The following ZZEF1 variants were observed in gnomAD, a reference collection of about 807,000 sequenced individuals.
ZZEF1 encodes zinc finger ZZ-type and EF-hand domain-containing protein 1.
ZZEF1 carries 157 observed loss-of-function variants against 342.8 expected under a neutral mutation model. That is an observed-to-expected ratio of 0.46 (90% CI 0.40 to 0.52). The LOEUF (loss-of-function observed/expected upper bound fraction) is 0.52, where lower values mean the gene tolerates loss of function less well. ZZEF1 is among the 20% of genes least tolerant of loss of function. The pLI is 0.00. For synonymous variants in ZZEF1, 1,505 were observed against 1,429.1 expected (o/e 1.05, Z -1.20); for missense variants, 3,480 against 3,725.6 (o/e 0.93, Z 1.72).
chr17:4,110,621 A>C (rs2058280414), intron 5 of ZZEF1, among the ~76,000 whole-genome samples: 1 of 152,256 alleles, frequency 6.6e-6, no homozygotes, highest in African/African-American at 2.4e-5. Flanking sequence ...GATTATTTCC[A>C]AAATGCTATG....
intron 52 of ZZEF1, among the ~76,000 whole-genome samples, chr17:4,013,106 AT>A (rs1471981192): frequency 4.0e-5 from 6 of 151,480 alleles, no homozygotes; most frequent in African/African-American, 1.5e-4. Flanking sequence ...AAAAAAAAAA[AT>A]CTATAGAATC....
intron 1 of ZZEF1, among the ~76,000 whole-genome samples, chr17:4,139,582 G>T (rs879506016): frequency 5.9e-5 from 9 of 152,184 alleles, no homozygotes; most frequent in Admixed American, 5.2e-4. Flanking sequence ...ACTTATTCAA[G>T]TCTAAGGATA....
chr17:4,007,356 C>G (rs2055826211), intron 54 of ZZEF1, among the ~76,000 whole-genome samples: 1 of 152,242 alleles, frequency 6.6e-6, no homozygotes, highest in African/African-American at 2.4e-5. Context: ...CAGGAGGGCA[C>G]TGAGATGCCC....
At chr17:4,038,796 A>G (rs758386056) in intron 39 of ZZEF1, among the ~76,000 whole-genome samples, 1 of 148,716 alleles carries the variant, frequency 6.7e-6, no homozygotes. Context: ...ACAGAGCAAG[A>G]CTCTGTCTCA....
intron 6 of ZZEF1, among the ~76,000 whole-genome samples, chr17:4,108,819 T>A (rs74917780): frequency 3.2e-4 from 48 of 152,366 alleles, no homozygotes; most frequent in African/African-American, 9.9e-4. Context: ...GAACAAGGTA[T>A]GGCCAACTAT....
intron 42 of ZZEF1, among the ~76,000 whole-genome samples, chr17:4,030,614 C>G (rs1316412020): frequency 6.6e-6 from 1 of 152,180 alleles, no homozygotes; most frequent in Non-Finnish European, 1.5e-5. Context: ...GTGATCCTCC[C>G]ACATCAGCCT....
At position 4,122,792 on chromosome 17, in the gene ZZEF1, T is replaced by C. The variant is rs150629229; in HGVS notation, c.499+1115A>G. ...CCTGTGGTCAATAAAGACGCCAAAA[T>C]AGGTGAGTATGGTACAGATACTGTG... On this transcript the variant is annotated intron_variant, in intron 2 of 54. Transcript: ENST00000381638. 4.9e-3 allele frequency among the ~76,000 whole-genome samples: 740 copies of C among 152,284 alleles called. 5 individuals carry two copies. The highest frequency in any genetic ancestry group is 0.017 in the African/African-American group (718 of 41,550).
chr17:4,116,962 A>G lies in ZZEF1; in HGVS notation c.694+10T>C. Reference sequence around the variant, plus strand: ...AGAGTATTTTCAGGAGAACCCCCACACACACATACCCTTTTCCTTTTGTAC... The same window carrying G: ...AGAGTATTTTCAGGAGAACCCCCACGCACACATACCCTTTTCCTTTTGTAC... On this transcript the variant is annotated intron_variant, in intron 3 of 54. Transcript: ENST00000381638. 1 of 1,577,244 alleles carries G rather than the reference A, an allele frequency of 6.3e-7. No homozygotes were observed. Among genetic ancestry groups the G allele is most frequent in the Non-Finnish European group, 8.6e-7 (1 of 1,156,164 alleles).
chr17:4,006,789 G>C lies in ZZEF1; in HGVS notation c.*101C>G, dbSNP rs1413955261. The stretch of plus-strand genomic sequence containing the variant: ...AACTGGAGTGGTCAGCTCAAGGAGA[G>C]CTGGGCACTGGCGCTACAGGAGTTT... On this transcript the variant is annotated 3_prime_UTR_variant, in exon 55 of 55. Transcript: ENST00000381638. 1.5e-5 allele frequency: 19 copies of C among 1,287,704 alleles called. No individual in the cohort carries two copies. Among genetic ancestry groups the C allele is most frequent in the Non-Finnish European group, 2.1e-5 (19 of 908,508 alleles). The allele number at this position is 1,287,704 out of a possible 1,614,324, so 79.8% of individuals were successfully genotyped here.
At chr17:4,096,726 G>C (rs1190825070) in intron 9 of ZZEF1, 26 bp from the exon 10 acceptor site, 3 of 1,592,766 alleles carry the variant, frequency 1.9e-6, no homozygotes, top group Admixed American at 1.7e-5. Flanking sequence ...ACTCAAGTTA[G>C]GGAACTAACC....
intron 5 of ZZEF1, among the ~76,000 whole-genome samples, chr17:4,110,959 T>C (rs971011483): frequency 6.6e-6 from 1 of 152,172 alleles, no homozygotes; most frequent in Non-Finnish European, 1.5e-5. Flanking sequence ...GTGACCTGCA[T>C]GCCTCAGCCT....
At chr17:4,108,060 A>G (rs2058240170) in intron 6 of ZZEF1, among the ~76,000 whole-genome samples, 1 of 152,242 alleles carries the variant, frequency 6.6e-6, no homozygotes, top group Admixed American at 6.5e-5. Context: ...AGAGGAATCC[A>G]CTAACATAAA....
chr17:4,066,971 C>A (rs2057413279), intron 27 of ZZEF1, among the ~76,000 whole-genome samples, 192 bp downstream of exon 27: 1 of 152,176 alleles, frequency 6.6e-6, no homozygotes. Context: ...AATTCTGTTT[C>A]CTCTATTTTC....
chr17:4,050,715 T>G, intron 36 of ZZEF1, 66 bp downstream of exon 36: 1 of 1,602,744 alleles, frequency 6.2e-7, no homozygotes, highest in Non-Finnish European at 8.5e-7. Flanking sequence ...GTATTTTACA[T>G]TTGCCAAGGC....
rs1429502584 is a variant in ZZEF1, at chr17:4,114,357, T to G, written c.808A>C (p.Asn270His). ...SNSADIDKMT[N>H]GETSSYWQSD... is the part of the protein sequence containing the mutation. Reference sequence around the variant, plus strand: ...TGCCAGTAGGATGAGGTTTCTCCATTTGTCATCTTGTCAATGTCTGCCGAG... The same window carrying G: ...TGCCAGTAGGATGAGGTTTCTCCATGTGTCATCTTGTCAATGTCTGCCGAG... Residue 270 changes from asparagine (N) to histidine (H), a missense_variant, in exon 4 of 55, where the codon AAT (asparagine) becomes CAT (histidine). Coordinates refer to ENST00000381638, the MANE Select transcript of ZZEF1 (RefSeq NM_015113.4). 6.2e-7 allele frequency: 1 copy of G among 1,612,276 alleles called. No homozygotes were observed. Among genetic ancestry groups the G allele is most frequent in the African/African-American group, 1.3e-5 (1 of 74,878 alleles).
At chr17:4,022,881 A>T in intron 43 of ZZEF1, 53 bp from the exon 44 acceptor site, 1 of 1,600,046 alleles carries the variant, frequency 6.2e-7, no homozygotes, top group South Asian at 1.1e-5. Context: ...AAGAAGGTAC[A>T]ACCTTAGCTG....
At chr17:4,097,468 T>G in intron 9 of ZZEF1, among the ~76,000 whole-genome samples, 1 of 78,872 alleles carries the variant, frequency 1.3e-5, no homozygotes, top group Non-Finnish European at 2.5e-5. Flanking sequence ...ATGAAAGGCT[T>G]TGAAATGGGA....
At chr17:4,134,195 G>A (rs1440693687) in intron 1 of ZZEF1, among the ~76,000 whole-genome samples, 1 of 151,568 alleles carries the variant, frequency 6.6e-6, no homozygotes, top group Non-Finnish European at 1.5e-5. Context: ...GAAAAGAAAT[G>A]TTCAGGTTTG....
In ZZEF1 at chr17:4,064,305, ACTGGGTAC is replaced by A; in HGVS notation, c.4718+48_4718+55del. On this transcript the variant is annotated intron_variant, in intron 29 of 54. Coordinates refer to ENST00000381638, the MANE Select transcript of ZZEF1 (RefSeq NM_015113.4). ...ACATGAACTTCAAGCCTCTGACTAG[ACTGGGTAC>A]CTACGGCTTAAAAAGAGAAAGCGAC... 23 of 1,376,164 alleles carry A rather than the reference ACTGGGTAC, an allele frequency of 1.7e-5. No individual in the cohort carries two copies. The South Asian group carries it at 2.9e-4, about 17-fold the overall frequency. The allele number at this position is 1,376,164 out of a possible 1,614,324, so 85.2% of individuals were successfully genotyped here.
Sources: allele counts gnomAD v4.1 joint callset (sites outside exome capture counted in the v4.1 genomes callset), GRCh38; gene constraint gnomAD v4.1.1; transcripts MANE v1.5; gene names NCBI Gene and HGNC (gene_info 2026-07-23, HGNC 2026-07-21).